Variants in EYS observed in about 807,000 individuals in gnomAD.
EYS encodes the protein protein eyes shut homolog.
In EYS, 250 loss-of-function variants were observed where a neutral mutation model predicts 282.1. The ratio of observed to expected loss-of-function variants is 0.89; its 90% CI spans 0.80 to 0.98. The LOEUF (loss-of-function observed/expected upper bound fraction) is 0.98. Ranked by LOEUF, EYS falls within the 50% of genes least tolerant of loss-of-function variation. EYS has a pLI of 0.00. For synonymous variants in EYS, 1,355 were observed against 1,282.9 expected, an observed-to-expected ratio of 1.06 and a Z score of -1.20; for missense variants, 4,016 against 3,709.0, an observed-to-expected ratio of 1.08 and a Z score of -2.15.
intron 35 of EYS, among the ~76,000 whole-genome samples, chr6:63,870,094 C>T (rs1390673425): frequency 6.6e-6 from 1 of 152,146 alleles, no homozygotes. Flanking sequence ...GCTTATGAAG[C>T]TCTGGAGCTC....
intron 33 of EYS, among the ~76,000 whole-genome samples, chr6:64,029,536 A>G (rs770066106): frequency 4.6e-5 from 7 of 152,168 alleles, no homozygotes; most frequent in East Asian, 1.9e-4. Context: ...GTGGCCCTCA[A>G]CCCTGACACT....
intron 14 of EYS, among the ~76,000 whole-genome samples, chr6:64,992,641 T>G (rs1235851795): frequency 6.6e-6 from 1 of 151,860 alleles, no homozygotes; most frequent in Non-Finnish European, 1.5e-5. Context: ...CTACAAAAAT[T>G]GAATTTTTCC....
chr6:63,892,974 G>GA (rs1773446386), intron 35 of EYS, among the ~76,000 whole-genome samples: 1 of 152,038 alleles, frequency 6.6e-6, no homozygotes, highest in Non-Finnish European at 1.5e-5. Flanking sequence ...ACAAGCATAT[G>GA]AAAAAAAGCT....
chr6:64,381,571 A>G (rs1314646458), intron 29 of EYS, among the ~76,000 whole-genome samples: 2 of 152,210 alleles, frequency 1.3e-5, no homozygotes, highest in Non-Finnish European at 2.9e-5. Flanking sequence ...TTTGGTATAT[A>G]CAGTATACAT....
intron 12 of EYS, among the ~76,000 whole-genome samples, chr6:65,114,596 C>A (rs900439535): frequency 6.6e-6 from 1 of 151,600 alleles, no homozygotes; most frequent in Non-Finnish European, 1.5e-5. Flanking sequence ...TTCTATTTTT[C>A]TCCATAGATA....
At position 65,556,387 on chromosome 6, in the gene EYS, TTGTG is replaced by T. The variant is rs10602177; in HGVS notation, c.-332-60398_-332-60395del. On this transcript the variant is annotated intron_variant, in intron 2 of 42. Transcript: ENST00000503581. ...TAATATGTGGAGGAGACTGCTGGGTTTGTGTGTGTGTGTGTGTGTGTGTATGTGT... is the reference window on the plus strand; with the variant it reads ...TAATATGTGGAGGAGACTGCTGGGTTTGTGTGTGTGTGTGTGTGTATGTGT... Among the ~76,000 whole-genome samples the T allele has an allele frequency of 2.2e-4, 33 of 148,898 alleles. No individual in the cohort carries two copies. The South Asian group carries it at 6.2e-3, about 28-fold the overall frequency.
At chr6:63,739,092 G>A (rs550295701) in intron 41 of EYS, among the ~76,000 whole-genome samples, 20 of 151,542 alleles carry the variant, frequency 1.3e-4, no homozygotes, top group East Asian at 3.9e-4. Flanking sequence ...CCTTTCTATC[G>A]GTATGGTATC....
chr6:65,027,383 G>C (rs560776720), intron 13 of EYS, among the ~76,000 whole-genome samples: 3 of 152,230 alleles, frequency 2.0e-5, no homozygotes, highest in African/African-American at 7.2e-5. Context: ...GCAGATTTGT[G>C]ACAGTCTGCT....
chr6:65,398,613 C>G (rs926450042), intron 7 of EYS, among the ~76,000 whole-genome samples: 14 of 151,914 alleles, frequency 9.2e-5, no homozygotes, highest in African/African-American at 3.1e-4. Flanking sequence ...CAAAAATAGA[C>G]AAAAATTGAA....
chr6:65,059,404 A>G (rs1014580275), intron 12 of EYS, among the ~76,000 whole-genome samples: 2 of 152,090 alleles, frequency 1.3e-5, no homozygotes, highest in Non-Finnish European at 2.9e-5. Context: ...CAAAAAGAAA[A>G]TTAGATTTGT....
chr6:65,094,966 T>C (rs1774696300), intron 12 of EYS, among the ~76,000 whole-genome samples: 1 of 151,024 alleles, frequency 6.6e-6, no homozygotes, highest in African/African-American at 2.4e-5. Flanking sequence ...GTACATGAAC[T>C]AAGAAGAGAG....
chr6:64,946,251 G>A (rs2150096373), intron 14 of EYS, among the ~76,000 whole-genome samples: 1 of 152,078 alleles, frequency 6.6e-6, no homozygotes, highest in East Asian at 1.9e-4. Flanking sequence ...AGATGATGGA[G>A]TATAACTAAA....
At position 63,883,605 on chromosome 6, in the gene EYS, A is replaced by G. The variant is rs147626747; in HGVS notation, c.7056-19247T>C. Among the ~76,000 whole-genome samples the G allele has an allele frequency of 7.3e-3, 1,111 of 152,318 alleles. 6 individuals carry two copies. Among genetic ancestry groups the G allele is most frequent in the Non-Finnish European group, 0.01 (699 of 68,018 alleles). On this transcript the variant is annotated intron_variant, in intron 35 of 42. Coordinates refer to ENST00000503581, the MANE Select transcript of EYS (RefSeq NM_001142800.2). ...AAGTAGGGACTCTACAACTCTGCTT[A>G]ATGCCGGCTTTTCCCTCTGCCCTGT... is the stretch of plus-strand genomic sequence containing the variant.
chr6:65,377,544 T>C (rs760820026), intron 8 of EYS, among the ~76,000 whole-genome samples: 5 of 151,776 alleles, frequency 3.3e-5, no homozygotes, highest in East Asian at 1.9e-4. Flanking sequence ...CCGAAGGAGA[T>C]AAAGGCATGA....
At chr6:65,339,336 C>T (rs1457909460) in intron 10 of EYS, among the ~76,000 whole-genome samples, 2 of 151,058 alleles carry the variant, frequency 1.3e-5, no homozygotes, top group Admixed American at 6.6e-5. Context: ...GACAGCAGTC[C>T]TCCCTTATTG....
intron 1 of EYS, among the ~76,000 whole-genome samples, chr6:65,647,313 T>A (rs182612654): frequency 6.6e-6 from 1 of 152,100 alleles, no homozygotes; most frequent in Non-Finnish European, 1.5e-5. Flanking sequence ...GGTATAAAAA[T>A]AGGCACATAG....
chr6:65,079,101 C>A (rs181835230), intron 12 of EYS, among the ~76,000 whole-genome samples: 1 of 152,048 alleles, frequency 6.6e-6, no homozygotes, highest in Admixed American at 6.6e-5. Context: ...TTCTTTATAG[C>A]AATGCAAGAA....
chr6:65,586,588 C>T (rs757848553), intron 2 of EYS, among the ~76,000 whole-genome samples: 8 of 151,954 alleles, frequency 5.3e-5, no homozygotes, highest in Non-Finnish European at 1.2e-4. Context: ...TTTATACTGA[C>T]AATTAGGTTG....
At chr6:63,757,083 G>A (rs1188535116) in intron 41 of EYS, among the ~76,000 whole-genome samples, 3 of 152,118 alleles carry the variant, frequency 2.0e-5, no homozygotes, top group Non-Finnish European at 4.4e-5. Context: ...TGCCTGCAGG[G>A]TCCGGCAGAA....
Sources: gnomAD v4.1 joint callset for allele counts (sites outside exome capture counted in the v4.1 genomes callset) on GRCh38, gnomAD v4.1.1 for gene constraint, MANE v1.5 for transcripts, NCBI Gene and HGNC (gene_info 2026-07-23, HGNC 2026-07-21) for gene names.